The following RBFOX1 variants were observed in gnomAD, a reference collection of about 807,000 sequenced individuals.
RBFOX1 encodes RNA binding protein fox-1 homolog 1.
A neutral mutation model predicts 57.7 loss-of-function variants in RBFOX1; 8 were observed. The observed-to-expected ratio is 0.14, with a 90% CI of 0.08 to 0.25. RBFOX1 has a LOEUF of 0.25. Ranked by LOEUF, RBFOX1 falls within the 10% of genes least tolerant of loss-of-function variation. RBFOX1 has a pLI of 1.00. For synonymous variants in RBFOX1, 326 were observed against 222.4 expected (o/e 1.47, Z -4.15); for missense variants, 611 against 548.5 (o/e 1.11, Z -1.14).
chr16:6,250,491 G>GGCTT (rs1277175343), intron 1 of RBFOX1, among the ~76,000 whole-genome samples: 1 of 152,164 alleles, frequency 6.6e-6, no homozygotes, highest in East Asian at 1.9e-4. Flanking sequence ...GGCAGTACAT[G>GGCTT]GCTTGGCAAT....
intron 5 of RBFOX1, among the ~76,000 whole-genome samples, chr16:7,533,874 TAGAGCA>T (rs1362471783): frequency 1.1e-4 from 17 of 152,174 alleles, no homozygotes; most frequent in Non-Finnish European, 2.4e-4. Context: ...TTATTATTAA[TAGAGCA>T]AGTAATAATG....
chr16:5,945,530 C>G (rs2059384070), intron 4 of RBFOX1, among the ~76,000 whole-genome samples: 1 of 152,184 alleles, frequency 6.6e-6, no homozygotes, highest in Non-Finnish European at 1.5e-5. Flanking sequence ...TTTAATAATT[C>G]TCACTGCCCT....
intron 3 of RBFOX1, among the ~76,000 whole-genome samples, chr16:7,029,867 T>A (rs1236162476): frequency 2.0e-5 from 3 of 152,186 alleles, no homozygotes; most frequent in Non-Finnish European, 2.9e-5. Flanking sequence ...GATTCTTATG[T>A]CCATTCATTG....
At chr16:5,984,484 T>A (rs1481610860) in intron 4 of RBFOX1, among the ~76,000 whole-genome samples, 1 of 151,946 alleles carries the variant, frequency 6.6e-6, no homozygotes, top group African/African-American at 2.4e-5. Flanking sequence ...AACTGTCAAG[T>A]CCTGAGCATT....
chr16:7,210,787 G>A (rs2090970891), intron 4 of RBFOX1, among the ~76,000 whole-genome samples: 2 of 152,094 alleles, frequency 1.3e-5, no homozygotes, highest in Admixed American at 6.5e-5. Flanking sequence ...ACACAGGGCT[G>A]AAAAGTACAT....
At chr16:7,504,905 T>G (rs759667027) in intron 4 of RBFOX1, among the ~76,000 whole-genome samples, 34 of 147,238 alleles carry the variant, frequency 2.3e-4, no homozygotes, top group Non-Finnish European at 3.4e-4. Context: ...CAGGCAATAA[T>G]ACGGCATTTG....
chr16:5,586,463 T>G (rs2046831825), intron 2 of RBFOX1, among the ~76,000 whole-genome samples: 2 of 152,202 alleles, frequency 1.3e-5, no homozygotes, highest in South Asian at 4.1e-4. Context: ...AGTAGATAGT[T>G]TTACTAACTA....
chr16:7,361,661 T>C (rs948707170), intron 4 of RBFOX1, among the ~76,000 whole-genome samples: 2 of 152,238 alleles, frequency 1.3e-5, no homozygotes, highest in Non-Finnish European at 2.9e-5. Context: ...GGAAGGATGC[T>C]TGGATATGGC....
At chr16:7,402,171 C>G (rs1299525318) in intron 4 of RBFOX1, among the ~76,000 whole-genome samples, 2 of 152,062 alleles carry the variant, frequency 1.3e-5, no homozygotes, top group African/African-American at 4.8e-5. Context: ...AAAACTCGAG[C>G]TGTGATGAGC....
intron 4 of RBFOX1, among the ~76,000 whole-genome samples, chr16:7,265,196 G>C (rs2095080689): frequency 6.6e-6 from 1 of 152,156 alleles, no homozygotes; most frequent in African/African-American, 2.4e-5. Flanking sequence ...GCCATAGACA[G>C]GGTGGCTTAG....
chr16:5,446,026 A>T (rs1203577330), intron 1 of RBFOX1, among the ~76,000 whole-genome samples: 1 of 152,230 alleles, frequency 6.6e-6, no homozygotes, highest in Non-Finnish European at 1.5e-5. Flanking sequence ...TTGTTGATGG[A>T]TGTAAATGGT....
intron 8 of RBFOX1, 30 bp downstream of exon 8, chr16:7,595,671 C>G (rs769388467): frequency 9.1e-6 from 14 of 1,542,008 alleles, no homozygotes; most frequent in Non-Finnish European, 1.2e-5. Context: ...TCCTTTTCAT[C>G]TTTTTTATAA....
chr16:5,511,684 A>C (rs566753204), intron 2 of RBFOX1, among the ~76,000 whole-genome samples: 1 of 152,216 alleles, frequency 6.6e-6, no homozygotes, highest in African/African-American at 2.4e-5. Flanking sequence ...CAACTAGCCC[A>C]GAGTTGCACA....
intron 3 of RBFOX1, among the ~76,000 whole-genome samples, chr16:6,923,258 G>C (rs529225201): frequency 1.3e-5 from 2 of 152,286 alleles, no homozygotes; most frequent in South Asian, 4.1e-4. Flanking sequence ...TCCTGGCCAG[G>C]TGTGGTGGCT....
At chr16:6,286,354 A>G (rs571476460) in intron 1 of RBFOX1, among the ~76,000 whole-genome samples, 1 of 143,372 alleles carries the variant, frequency 7.0e-6, no homozygotes, top group South Asian at 2.2e-4. Flanking sequence ...CTTGACTCAG[A>G]TGTGTGAGAA....
Position 5,975,010 on chromosome 16 carries a change from A to AAAAT in RBFOX1, c.351+107691_351+107694dup, listed in dbSNP as rs1427895624. Among the ~76,000 whole-genome samples the AAAAT allele has an allele frequency of 1.2e-4, 18 of 152,342 alleles. No individual in the cohort carries two copies. The South Asian group carries it at 1.4e-3, about 12-fold the overall frequency. On this transcript the variant is annotated intron_variant, in intron 4 of 19. Transcript: ENST00000641259. ...GCAACAAGAGCGAAACTCCGTCTCA[A>AAAAT]AAATAAATAAATAAATAAAAATAAC...
chr16:7,567,902 T>C (rs1240919683), intron 5 of RBFOX1, among the ~76,000 whole-genome samples: 1 of 150,866 alleles, frequency 6.6e-6, no homozygotes, highest in Admixed American at 6.6e-5. Context: ...TATGTATATA[T>C]ATATATCCAT....
chr16:7,284,505 AC>A (rs2095610367), intron 4 of RBFOX1, among the ~76,000 whole-genome samples: 1 of 151,538 alleles, frequency 6.6e-6, no homozygotes, highest in South Asian at 2.1e-4. Context: ...TAATTTTTTA[AC>A]TTCTTGTAGA....
intron 1 of RBFOX1, among the ~76,000 whole-genome samples, chr16:5,355,408 C>T (rs1472567397): frequency 6.6e-6 from 1 of 152,150 alleles, no homozygotes; most frequent in Non-Finnish European, 1.5e-5. Context: ...CATCGTGAAG[C>T]CTGAGGACAA....
Sources: allele counts gnomAD v4.1 joint callset (sites outside exome capture counted in the v4.1 genomes callset), GRCh38; gene constraint gnomAD v4.1.1; transcripts MANE v1.5; gene names NCBI Gene and HGNC (gene_info 2026-07-23, HGNC 2026-07-21).